Variants in RBFOX1 observed in about 807,000 individuals in gnomAD.
RBFOX1 encodes the protein RNA binding protein fox-1 homolog 1.
A neutral mutation model predicts 57.7 loss-of-function variants in RBFOX1; 8 were observed. The observed-to-expected ratio is 0.14, with a 90% CI of 0.08 to 0.25. The LOEUF is 0.25. Among genes scored for constraint, RBFOX1 ranks in the 10% least tolerant of loss-of-function variants. The pLI is 1.00. For missense variants in RBFOX1, 611 were observed against 548.5 expected, an observed-to-expected ratio of 1.11 and a Z score of -1.14; for synonymous variants, 326 against 222.4, an observed-to-expected ratio of 1.47 and a Z score of -4.15.
At chr16:5,548,084 C>T (rs1036279814) in intron 2 of RBFOX1, among the ~76,000 whole-genome samples, 2 of 149,734 alleles carry the variant, frequency 1.3e-5, no homozygotes. Flanking sequence ...TCCCTTGAAC[C>T]AGTGCGGTGG....
At chr16:5,253,479 T>C (rs1395092463) in intron 1 of RBFOX1, among the ~76,000 whole-genome samples, 1 of 152,136 alleles carries the variant, frequency 6.6e-6, no homozygotes, top group Non-Finnish European at 1.5e-5. Context: ...TGGATACTTA[T>C]CATGACTTCA....
chr16:5,459,576 A>G (rs562766012), intron 1 of RBFOX1, among the ~76,000 whole-genome samples: 9 of 152,202 alleles, frequency 5.9e-5, no homozygotes, highest in Admixed American at 1.3e-4. Context: ...TGTCTGTGCA[A>G]CACTTTCTCA....
At chr16:5,684,216 T>C (rs1346504263) in intron 3 of RBFOX1, among the ~76,000 whole-genome samples, 5 of 152,170 alleles carry the variant, frequency 3.3e-5, no homozygotes, top group African/African-American at 4.8e-5. Context: ...CTTCGAGGGC[T>C]GACAGGATTG....
intron 4 of RBFOX1, among the ~76,000 whole-genome samples, chr16:7,282,798 C>G (rs1222158203): frequency 2.0e-5 from 3 of 152,196 alleles, no homozygotes; most frequent in African/African-American, 7.2e-5. Flanking sequence ...ATTCTCATAG[C>G]TTAGCTCCCA....
rs528772288 is a variant in RBFOX1, at chr16:5,679,514, C to T, written c.318+80553C>T. 3.3e-5 allele frequency among the ~76,000 whole-genome samples: 5 copies of T among 152,156 alleles called. No individual in the cohort carries two copies. In the South Asian group the frequency reaches 1.0e-3, roughly 32 times the overall value. The stretch of plus-strand genomic sequence containing the variant: ...GCTCTCCCTCCCCTTGTCCCCCACC[C>T]CCCGACAGGTCCCGGTGTGTGGCGT... On this transcript the variant is annotated intron_variant, in intron 3 of 19. Transcript: ENST00000641259.
intron 4 of RBFOX1, among the ~76,000 whole-genome samples, chr16:7,292,995 G>A (rs1460961437): frequency 6.6e-6 from 1 of 152,110 alleles, no homozygotes; most frequent in Non-Finnish European, 1.5e-5. Flanking sequence ...AGAAAAGAGG[G>A]AAGAGGAAAA....
intron 3 of RBFOX1, among the ~76,000 whole-genome samples, chr16:5,659,151 G>A (rs1287622828): frequency 2.0e-5 from 3 of 151,892 alleles, no homozygotes; most frequent in Non-Finnish European, 2.9e-5. Flanking sequence ...CCTGTTCACC[G>A]CATCCATGCC....
chr16:5,959,496 C>T (rs2059708529), intron 4 of RBFOX1, among the ~76,000 whole-genome samples: 1 of 152,128 alleles, frequency 6.6e-6, no homozygotes, highest in Non-Finnish European at 1.5e-5. Context: ...GAGTAGTGTT[C>T]CTCATTTTGA....
At chr16:5,961,514 T>C (rs997697179) in intron 4 of RBFOX1, among the ~76,000 whole-genome samples, 1 of 152,260 alleles carries the variant, frequency 6.6e-6, no homozygotes, top group African/African-American at 2.4e-5. Flanking sequence ...ATAGTTTAAT[T>C]TTTTAATTAT....
At chr16:7,084,688 A>G (rs2059716480) in intron 4 of RBFOX1, among the ~76,000 whole-genome samples, 1 of 152,196 alleles carries the variant, frequency 6.6e-6, no homozygotes, top group Non-Finnish European at 1.5e-5. Context: ...CACTTGCCCT[A>G]AGTGAAATGA....
At chr16:7,559,636 T>C (rs1382851347) in intron 5 of RBFOX1, among the ~76,000 whole-genome samples, 1 of 152,212 alleles carries the variant, frequency 6.6e-6, no homozygotes, top group Non-Finnish European at 1.5e-5. Flanking sequence ...GATTGTGCTT[T>C]CCAAGGTGGA....
chr16:7,290,079 C>A (rs376355775), intron 4 of RBFOX1, among the ~76,000 whole-genome samples: 1 of 152,152 alleles, frequency 6.6e-6, no homozygotes, highest in South Asian at 2.1e-4. Flanking sequence ...TTCTCAGATA[C>A]CTACGTACAT....
At chr16:7,455,817 A>G (rs1045172595) in intron 4 of RBFOX1, among the ~76,000 whole-genome samples, 1 of 151,970 alleles carries the variant, frequency 6.6e-6, no homozygotes, top group Non-Finnish European at 1.5e-5. Context: ...AAAAGAAAAA[A>G]AAAACTGATT....
chr16:6,778,451 A>G (rs560051411), intron 3 of RBFOX1, among the ~76,000 whole-genome samples: 14 of 152,186 alleles, frequency 9.2e-5, no homozygotes, highest in South Asian at 2.1e-4. Context: ...TTTATCCATA[A>G]ATGTTTCAGT....
At chr16:7,152,212 CTA>C (rs1384552875) in intron 4 of RBFOX1, among the ~76,000 whole-genome samples, 5 of 152,146 alleles carry the variant, frequency 3.3e-5, no homozygotes, top group Non-Finnish European at 7.4e-5. Flanking sequence ...GATTTCCAGT[CTA>C]TACCATGCGT....
chr16:5,289,815 G>C (rs1158339470), intron 1 of RBFOX1, among the ~76,000 whole-genome samples: 1 of 152,198 alleles, frequency 6.6e-6, no homozygotes, highest in Non-Finnish European at 1.5e-5. Context: ...TTCTTACACA[G>C]TGTGGCACTT....
intron 1 of RBFOX1, among the ~76,000 whole-genome samples, chr16:5,282,691 G>C (rs978253231): frequency 2.6e-5 from 4 of 152,218 alleles, no homozygotes; most frequent in African/African-American, 9.6e-5. Context: ...TCTGGTAGAA[G>C]AGATTTCTAA....
intron 1 of RBFOX1, among the ~76,000 whole-genome samples, chr16:5,340,134 A>G (rs1056930866): frequency 2.6e-5 from 4 of 152,162 alleles, no homozygotes; most frequent in Non-Finnish European, 1.5e-5. Flanking sequence ...TTTAAGTGAA[A>G]TTCTTCAGCA....
rs554847457 is a variant in RBFOX1 at position 5,425,347 on chromosome 16, G to A, written c.220-41869G>A. 1.3e-3 allele frequency among the ~76,000 whole-genome samples: 198 copies of A among 152,060 alleles called. 1 individual carries two copies. The highest frequency in any genetic ancestry group is 4.5e-3 in the African/African-American group (186 of 41,472). On this transcript the variant is annotated intron_variant, in intron 1 of 2. Coordinates refer to the RBFOX1 transcript ENST00000585867. Reference sequence around the variant, plus strand: ...TCTCGGACTCCTGACCTCATGATCCGCCCACCTTGGCCTCCCAAAGCGCTG... The same window carrying A: ...TCTCGGACTCCTGACCTCATGATCCACCCACCTTGGCCTCCCAAAGCGCTG...
Sources: gnomAD v4.1 joint callset for allele counts (sites outside exome capture counted in the v4.1 genomes callset) on GRCh38, gnomAD v4.1.1 for gene constraint, MANE v1.5 for transcripts, NCBI Gene and HGNC (gene_info 2026-07-23, HGNC 2026-07-21) for gene names.